Variants in ARHGAP19 observed in about 807,000 individuals in gnomAD.
ARHGAP19 encodes rho GTPase-activating protein 19.
ARHGAP19 carries 48 observed loss-of-function variants against 60.9 expected under a neutral mutation model. The ratio of observed to expected loss-of-function variants is 0.79; its 90% CI spans 0.62 to 1.00. ARHGAP19 has a LOEUF of 1.00. Among genes scored for constraint, ARHGAP19 ranks in the 50% least tolerant of loss-of-function variants. The probability of loss-of-function intolerance (pLI) is 0.00; values close to 1 mark genes in which losing one functional copy is unlikely to be tolerated. For missense variants in ARHGAP19, 562 were observed against 597.2 expected (o/e 0.94, Z 0.61); for synonymous variants, 209 against 215.5 (o/e 0.97, Z 0.27).
At chr10:97,237,743 C>T (rs1385450564) in intron 8 of ARHGAP19, among the ~76,000 whole-genome samples, 3 of 151,766 alleles carry the variant, frequency 2.0e-5, no homozygotes, top group Non-Finnish European at 2.9e-5. Flanking sequence ...TGGTGGTGGG[C>T]GCCTGTAATC....
At chr10:97,265,669 T>C in intron 2 of ARHGAP19, 191 bp downstream of exon 2, 1 of 622,968 alleles carries the variant, frequency 1.6e-6, no homozygotes, top group Non-Finnish European at 2.6e-6. Flanking sequence ...TTTAGTTTAA[T>C]TATTTATTTA....
rs576214332 is a variant in ARHGAP19 at position 97,291,520 on chromosome 10, C to T, written c.56+1052G>A. 2.3e-4 allele frequency among the ~76,000 whole-genome samples: 35 copies of T among 152,240 alleles called. No individual in the cohort carries two copies. In the Middle Eastern group the frequency reaches 0.02, roughly 89 times the overall value. ...TGTTCGCCAGGCTGGTCTCGAACTCCTGATCTCAGGTGATCCGCTCCCCTC... is the reference window on the plus strand; with the variant it reads ...TGTTCGCCAGGCTGGTCTCGAACTCTTGATCTCAGGTGATCCGCTCCCCTC... On this transcript the variant is annotated intron_variant, in intron 1 of 11. Transcript: ENST00000358531.
chr10:97,245,595 C>CAA (rs397845381), intron 7 of ARHGAP19, among the ~76,000 whole-genome samples: 180 of 112,334 alleles, frequency 1.6e-3, no homozygotes, highest in African/African-American at 5.8e-3. Flanking sequence ...AACCCTATCT[C>CAA]AAAAAAAAAA....
At chr10:97,241,766 T>C (rs984281087) in intron 8 of ARHGAP19, among the ~76,000 whole-genome samples, 1 of 151,194 alleles carries the variant, frequency 6.6e-6, no homozygotes, top group African/African-American at 2.4e-5. Context: ...TCCCAGCACT[T>C]TGGGAGGCCG....
intron 3 of ARHGAP19, among the ~76,000 whole-genome samples, chr10:97,264,625 C>T (rs75098385): frequency 1.3e-4 from 20 of 152,234 alleles, no homozygotes; most frequent in Non-Finnish European, 2.5e-4. Context: ...AATTTATATA[C>T]ACTTTGAGAG....
chr10:97,235,239 C>G lies in ARHGAP19; in HGVS notation c.1262G>C (p.Arg421Pro). The change falls in exon 9 of 12, where the codon CGC (arginine) becomes CCC (proline). Residue 421 changes from arginine (R) to proline (P), a missense_variant. Arg to Pro is a moderately radical substitution (Grantham distance 103, BLOSUM62 -2). Transcript: ENST00000358531. ...TSQVQKRARS[R>P]SFSGLIKRKV... Reference sequence around the variant, plus strand: ...TACCTTAATAAGCCCACTGAAGGAGCGCGAACGAGCCCTCTTTTGTACCTG... The same window carrying G: ...TACCTTAATAAGCCCACTGAAGGAGGGCGAACGAGCCCTCTTTTGTACCTG... 6.2e-7 allele frequency: 1 copy of G among 1,613,324 alleles called. No homozygotes were observed. Among genetic ancestry groups the G allele is most frequent in the South Asian group, 1.1e-5 (1 of 91,046 alleles).
chr10:97,235,078 C>A, intron 9 of ARHGAP19, 139 bp downstream of exon 9: 2 of 733,838 alleles, frequency 2.7e-6, no homozygotes, highest in Non-Finnish European at 4.5e-6. Context: ...AGCTTTTCAA[C>A]ATTTTGTCTT....
intron 1 of ARHGAP19, among the ~76,000 whole-genome samples, chr10:97,286,290 C>G (rs557094260): frequency 2.0e-5 from 3 of 152,242 alleles, no homozygotes; most frequent in Admixed American, 1.3e-4. Flanking sequence ...ACAGAAAAAG[C>G]AATTTAACCA....
chr10:97,238,910 A>C (rs983040115), intron 8 of ARHGAP19, among the ~76,000 whole-genome samples: 4 of 152,172 alleles, frequency 2.6e-5, no homozygotes, highest in African/African-American at 9.7e-5. Flanking sequence ...TGCCCTATAC[A>C]GGTGTACTAT....
intron 1 of ARHGAP19, among the ~76,000 whole-genome samples, chr10:97,289,917 A>G (rs538142847): frequency 6.6e-6 from 1 of 151,654 alleles, no homozygotes; most frequent in African/African-American, 2.4e-5. Context: ...AATTCAAACT[A>G]CTCTTGCTAT....
At chr10:97,292,450 A>C (rs770302059) in intron 1 of ARHGAP19, 122 bp downstream of exon 1, 4 of 1,314,618 alleles carry the variant, frequency 3.0e-6, no homozygotes, top group Non-Finnish European at 4.3e-6. Flanking sequence ...CGCGACGATG[A>C]GAAACGCCGT....
intron 4 of ARHGAP19, among the ~76,000 whole-genome samples, chr10:97,262,478 A>G (rs769435698): frequency 1.3e-5 from 2 of 152,124 alleles, no homozygotes; most frequent in African/African-American, 2.4e-5. Flanking sequence ...CAGCCTGGCC[A>G]ACATGGTGAA....
chr10:97,246,181 A>G (rs1842560365), intron 7 of ARHGAP19, 91 bp downstream of exon 7: 2 of 1,064,748 alleles, frequency 1.9e-6, no homozygotes, highest in Non-Finnish European at 2.8e-6. Flanking sequence ...ATTATTTTCC[A>G]TGCTTTTACT....
In ARHGAP19 at chr10:97,256,424, C is replaced by A. The variant is rs1461223403; in HGVS notation, c.841-20G>T. On this transcript the variant is annotated intron_variant, in intron 5 of 11. Coordinates refer to ENST00000358531, the MANE Select transcript of ARHGAP19 (RefSeq NM_032900.6). ...AGTGACCTATTCAGAGGAAAAGAAA[C>A]CAAACAATGGACATTAAGAGCTAGA... 6.4e-7 allele frequency: 1 copy of A among 1,558,848 alleles called. No individual in the cohort carries two copies. Among genetic ancestry groups the A allele is most frequent in the East Asian group, 2.2e-5 (1 of 44,606 alleles).
intron 1 of ARHGAP19, among the ~76,000 whole-genome samples, chr10:97,270,434 C>T (rs1842947181): frequency 1.3e-5 from 2 of 152,110 alleles, no homozygotes; most frequent in Non-Finnish European, 2.9e-5. Context: ...CCAAAGAATA[C>T]ACAACACCAC....
chr10:97,244,415 T>G (rs1359333875), intron 7 of ARHGAP19, among the ~76,000 whole-genome samples: 1 of 152,158 alleles, frequency 6.6e-6, no homozygotes, highest in Non-Finnish European at 1.5e-5. Context: ...TATATTTGTG[T>G]AAGAGTTTAG....
rs1352477467 is a variant in ARHGAP19 at position 97,223,549 on chromosome 10, C to T, written c.*2573G>A. The T allele has an allele frequency of 3.3e-5, 5 of 152,180 alleles. No individual in the cohort carries two copies. The highest frequency in any genetic ancestry group is 5.9e-5 in the Non-Finnish European group (4 of 68,070). 9.4% of individuals were successfully genotyped at this position (152,180 alleles called of 1,614,324 possible). A position where few individuals can be genotyped will look rare whatever the true frequency, so the allele number is the denominator to read the frequency against. ...CCCCAAATTGACACCACATCAAAGC[C>T]CATCACAGGTGACCCCAGAAAGAAA... On this transcript the variant is annotated 3_prime_UTR_variant, in exon 12 of 12. Transcript: ENST00000358531.
intron 9 of ARHGAP19, among the ~76,000 whole-genome samples, chr10:97,232,154 A>AT (rs1170639718): frequency 0.056 from 3,154 of 56,372 alleles, 1,045 homozygotes; most frequent in African/African-American, 0.094. Context: ...TTTGCTCACT[A>AT]TTTTTTTTTT....
chr10:97,286,630 A>G (rs1843159092), intron 1 of ARHGAP19, among the ~76,000 whole-genome samples: 1 of 152,196 alleles, frequency 6.6e-6, no homozygotes, highest in African/African-American at 2.4e-5. Context: ...ACTAACCAAT[A>G]TTCCATACCT....
Sources: allele counts gnomAD v4.1 joint callset (sites outside exome capture counted in the v4.1 genomes callset), GRCh38; gene constraint gnomAD v4.1.1; transcripts MANE v1.5; gene names NCBI Gene and HGNC (gene_info 2026-07-23, HGNC 2026-07-21).